The following NEB variants were observed in gnomAD, a reference collection of about 807,000 sequenced individuals.
NEB encodes the protein nemaline myopathy type 2.
In NEB, 512 loss-of-function variants were observed where a neutral mutation model predicts 952.2. That is an observed-to-expected ratio of 0.54 (90% CI 0.50 to 0.58). The LOEUF is 0.58. Ranked by LOEUF, NEB falls within the 20% of genes least tolerant of loss-of-function variation. The pLI is 0.00. For missense variants in NEB, 8,428 were observed against 9,231.1 expected (o/e 0.91, Z 3.56); for synonymous variants, 2,900 against 3,149.8 (o/e 0.92, Z 2.66).
At chr2:151,497,300 T>TGTGA (rs934079452) in intron 171 of NEB, 5 of 972,630 alleles carry the variant, frequency 5.1e-6, no homozygotes, top group South Asian at 9.5e-5. Flanking sequence ...TTTCCTTTTT[T>TGTGA]GTGAGTACCA....
In NEB at chr2:151,633,875, G is replaced by C; in HGVS notation, c.9193C>G (p.His3065Asp). The C allele has an allele frequency of 6.2e-7, 1 of 1,614,004 alleles. No individual in the cohort carries two copies. The highest frequency in any genetic ancestry group is 8.5e-7 in the Non-Finnish European group (1 of 1,179,894). ...CTGTCACTCTGGATCTTGGCTACGT[G>C]CATGGACCACATCATCTTGGGGTCA... ...EDDPKMMWSM[H>D]VAKIQSDREY... Residue 3065 changes from histidine (H) to aspartate (D), a missense_variant, in exon 65 of 182, where the codon CAC becomes GAC. His to Asp is a moderately conservative substitution (Grantham distance 81, BLOSUM62 -1). Transcript: ENST00000397345.
At chr2:151,609,198 T>A (rs113948736) in intron 81 of NEB, among the ~76,000 whole-genome samples, 24 of 133,448 alleles carry the variant, frequency 1.8e-4, no homozygotes, top group South Asian at 1.2e-3. Flanking sequence ...CATTTCAAAA[T>A]AAAAGAAAAA....
In NEB at chr2:151,674,560, C is replaced by A. The variant is rs776245344; in HGVS notation, c.3904G>T (p.Asp1302Tyr). Reference sequence around the variant, plus strand: ...ACATTGTTGCCCTTGGCTATTAAGTCATACCAATCCCGTTTATAACAGACC... The same window carrying A: ...ACATTGTTGCCCTTGGCTATTAAGTAATACCAATCCCGTTTATAACAGACC... Reference protein sequence around the residue: ...SDVCYKRDWYDLIAKGNNVLG... With the variant: ...SDVCYKRDWYYLIAKGNNVLG... Residue 1302 changes from aspartate to tyrosine, a missense_variant, in exon 36 of 182, where the codon GAC (aspartate) becomes TAC (tyrosine). This residue lies in a region of NEB where 2,851 missense variants were observed against 2,791.5 expected (regional missense o/e 1.02). Coordinates refer to ENST00000397345, the MANE Select transcript of NEB (RefSeq NM_001164508.2). 3 of 1,613,308 alleles carry A rather than the reference C, an allele frequency of 1.9e-6. No homozygotes were observed. Among genetic ancestry groups the A allele is most frequent in the South Asian group, 1.1e-5 (1 of 91,034 alleles).
chr2:151,546,704 G>A (rs749580427), intron 133 of NEB, among the ~76,000 whole-genome samples: 5 of 151,794 alleles, frequency 3.3e-5, no homozygotes, highest in South Asian at 2.1e-4. Flanking sequence ...GATTACAGGC[G>A]TACATCATCG....
At position 151,696,684 on chromosome 2, in the gene NEB, A is replaced by T; in HGVS notation, c.1522T>A (p.Ser508Thr). The T allele has an allele frequency of 2.5e-6, 4 of 1,613,774 alleles. No homozygotes were observed. Among genetic ancestry groups the T allele is most frequent in the Non-Finnish European group, 3.4e-6 (4 of 1,179,824 alleles). Residue 508 changes from serine to threonine, a missense_variant, in exon 17 of 182, where the codon TCT (serine) becomes ACT (threonine). Physicochemically the swap from Ser to Thr is moderately conservative, Grantham distance 58. Around this residue, in one of 11 missense-constraint regions of NEB, gnomAD observed 2,851 missense variants for 2,791.5 expected, o/e 1.02. Transcript: ENST00000397345. Reference protein sequence around the residue: ...DKTKFTQVTDSPVLLQAQVNS... With the variant: ...DKTKFTQVTDTPVLLQAQVNS... ...ACTTGGGCTTGTAGCAGAACAGGAG[A>T]GTCTGTAACTTGGGTGAATTTTGTC...
At chr2:151,518,166 CAT>C (rs1356252957) in intron 156 of NEB, among the ~76,000 whole-genome samples, 150 bp downstream of exon 156, 1 of 152,146 alleles carries the variant, frequency 6.6e-6, no homozygotes, top group Non-Finnish European at 1.5e-5. Context: ...TAATTTATAA[CAT>C]AAGAATTTGT....
rs753081037 is a variant in NEB, at chr2:151,547,761, A to T, written c.20158-23T>A. 5.1e-6 allele frequency: 8 copies of T among 1,578,252 alleles called. No homozygotes were observed. The Admixed American group carries it at 1.4e-4, about 27-fold the overall frequency. On this transcript the variant is annotated intron_variant, in intron 131 of 181. Transcript: ENST00000397345. ...TCTCTACGTTGGAGGAAATATCATT[A>T]CAGGCATTTAGTAGGGGACGACGAG... is the stretch of plus-strand genomic sequence containing the variant.
intron 181 of NEB, among the ~76,000 whole-genome samples, chr2:151,488,511 G>T (rs2053132000): frequency 6.6e-6 from 1 of 151,634 alleles, no homozygotes; most frequent in Non-Finnish European, 1.5e-5. Context: ...GCCTAGAATG[G>T]CATATACACC....
At chr2:151,519,187 A>G (rs2080234806) in intron 154 of NEB, 118 bp from the exon 155 acceptor site, 2 of 736,378 alleles carry the variant, frequency 2.7e-6, no homozygotes, top group East Asian at 2.7e-5. Flanking sequence ...ATGAAAAATC[A>G]TACCTCATTC....
At position 151,498,388 on chromosome 2, in the gene NEB, A is replaced by AATC. The variant is rs1324549660; in HGVS notation, c.24115-39_24115-37dup. On this transcript the variant is annotated intron_variant, in intron 169 of 181. Transcript: ENST00000397345. ...AGAAAGCATCCAGAACAAAAAAAGC[A>AATC]ATCAATCAGTCATTTTCCCCCTGCT... The AATC allele has an allele frequency of 2.1e-6, 3 of 1,439,630 alleles. No homozygotes were observed. The South Asian group carries it at 3.8e-5, about 18-fold the overall frequency. The allele number at this position is 1,439,630 out of a possible 1,614,324, so 89.2% of individuals were successfully genotyped here. A position where few individuals can be genotyped will look rare whatever the true frequency, so the allele number is the denominator to read the frequency against.
At position 151,656,760 on chromosome 2, in the gene NEB, T is replaced by C. The variant is rs182469020; in HGVS notation, c.6184-296A>G. ...GCCACTGAGGATTAGAACCCAGATTTTGTGATGATGCATCACACTGACTTA... is the reference window on the plus strand; with the variant it reads ...GCCACTGAGGATTAGAACCCAGATTCTGTGATGATGCATCACACTGACTTA... On this transcript the variant is annotated intron_variant, in intron 48 of 181. Coordinates refer to ENST00000397345, the MANE Select transcript of NEB (RefSeq NM_001164508.2). Among the ~76,000 whole-genome samples, 5 of 152,134 alleles carry C rather than the reference T, an allele frequency of 3.3e-5. No individual in the cohort carries two copies. In the East Asian group the frequency reaches 9.7e-4, roughly 29 times the overall value.
chr2:151,640,654 C>T lies in NEB; in HGVS notation c.8386G>A (p.Glu2796Lys). The change falls in exon 61 of 182, where the codon GAA (glutamate) becomes AAA (lysine). Residue 2796 changes from glutamate (E) to lysine (K), a missense_variant. This residue lies in a region of NEB where 1,772 missense variants were observed against 1,960.3 expected (regional missense o/e 0.90). Coordinates refer to ENST00000397345, the MANE Select transcript of NEB (RefSeq NM_001164508.2). ...RDIASEFKYK[E>K]GYRKQLGHHI... ...TGGCCGAGCTGCTTACGATAGCCTT[C>T]TTTGTACTTGAACTAAAAGAAGAAA... 1 of 1,609,774 alleles carries T rather than the reference C, an allele frequency of 6.2e-7. No individual in the cohort carries two copies. The highest frequency in any genetic ancestry group is 1.1e-5 in the South Asian group (1 of 90,848).
At chr2:151,630,859 A>C in intron 66 of NEB, 40 bp from the exon 67 acceptor site, 2 of 1,489,680 alleles carry the variant, frequency 1.3e-6, no homozygotes, top group Non-Finnish European at 9.1e-7. Flanking sequence ...AATCATTTGA[A>C]ATAGAAATGA....
chr2:151,688,303 T>C lies in NEB; in HGVS notation c.2404A>G (p.Asn802Asp). Reference protein sequence around the residue: ...QFIQHRVNAYNLSDNVYKQDW... With the variant: ...QFIQHRVNAYDLSDNVYKQDW... ...GCTTTGGTACTTACATCACTCAGATTATAGGCATTGACTCTGTGTTGGATA... is the reference window on the plus strand; with the variant it reads ...GCTTTGGTACTTACATCACTCAGATCATAGGCATTGACTCTGTGTTGGATA... The change falls in exon 25 of 182, where the codon AAT becomes GAT. Residue 802 changes from asparagine to aspartate, a missense_variant. Around this residue, in one of 11 missense-constraint regions of NEB, gnomAD observed 2,851 missense variants for 2,791.5 expected, o/e 1.02. Coordinates refer to ENST00000397345, the MANE Select transcript of NEB (RefSeq NM_001164508.2). 1 of 1,611,422 alleles carries C rather than the reference T, an allele frequency of 6.2e-7. No individual in the cohort carries two copies. The highest frequency in any genetic ancestry group is 2.2e-5 in the East Asian group (1 of 44,854).
chr2:151,572,892 C>T (rs983127240), intron 107 of NEB, among the ~76,000 whole-genome samples: 2 of 150,818 alleles, frequency 1.3e-5, no homozygotes, highest in Non-Finnish European at 2.9e-5. Flanking sequence ...AAAAAAAGCC[C>T]GGGGCCTGAG....
chr2:151,514,800 A>G lies in NEB; in HGVS notation c.23016+18T>C. ...TTATTTGGATTAAGAGGGAAAGAAA[A>G]GACCAAGTGGGCACTACCTCGCTTG... is the stretch of plus-strand genomic sequence containing the variant. On this transcript the variant is annotated intron_variant, in intron 158 of 181. Coordinates refer to ENST00000397345, the MANE Select transcript of NEB (RefSeq NM_001164508.2). 2 of 1,509,158 alleles carry G rather than the reference A, an allele frequency of 1.3e-6. No individual in the cohort carries two copies. Among genetic ancestry groups the G allele is most frequent in the Non-Finnish European group, 9.0e-7 (1 of 1,109,274 alleles). The allele number at this position is 1,509,158 out of a possible 1,614,324, so 93.5% of individuals were successfully genotyped here.
At chr2:151,721,329 G>T (rs1311820531) in intron 9 of NEB, among the ~76,000 whole-genome samples, 1 of 151,964 alleles carries the variant, frequency 6.6e-6, no homozygotes, top group Non-Finnish European at 1.5e-5. Flanking sequence ...AAGCAATTTT[G>T]TCTGCCTTTC....
chr2:151,682,637 C>T, intron 29 of NEB, 25 bp downstream of exon 29: 4 of 1,557,936 alleles, frequency 2.6e-6, no homozygotes, highest in Non-Finnish European at 3.5e-6. Context: ...CACCACTCTC[C>T]CTCTGACACA....
chr2:151,685,074 A>G, intron 27 of NEB, 99 bp from the exon 28 acceptor site: 1 of 1,264,238 alleles, frequency 7.9e-7, no homozygotes, highest in South Asian at 1.4e-5. Context: ...TTAGAGAAAG[A>G]GTCAAACATC....
Sources: gnomAD v4.1 joint callset for allele counts (sites outside exome capture counted in the v4.1 genomes callset) on GRCh38, gnomAD v4.1.1 for gene constraint, gnomAD v4.1.1 regional missense constraint, MANE v1.5 for transcripts, NCBI Gene and HGNC (gene_info 2026-07-23, HGNC 2026-07-21) for gene names.